DENND1A: variants seen among roughly 807,000 people sequenced by gnomAD.
DENND1A encodes DENN domain-containing protein 1A.
A neutral mutation model predicts 113.7 loss-of-function variants in DENND1A; 51 were observed. That is an observed-to-expected ratio of 0.45 (90% confidence interval 0.36 to 0.57). DENND1A has a LOEUF of 0.57. DENND1A is among the 20% of genes least tolerant of loss of function. The probability of loss-of-function intolerance (pLI) is 0.00; values close to 1 mark genes in which losing one functional copy is unlikely to be tolerated. For synonymous variants in DENND1A, 565 were observed against 570.8 expected, an observed-to-expected ratio of 0.99 and a Z score of 0.14; for missense variants, 1,258 against 1,395.9, an observed-to-expected ratio of 0.90 and a Z score of 1.57.
chr9:123,880,714 G>A (rs986816652), intron 1 of DENND1A, among the ~76,000 whole-genome samples: 1 of 152,124 alleles, frequency 6.6e-6, no homozygotes, highest in Non-Finnish European at 1.5e-5. Flanking sequence ...CTCATGCAAA[G>A]GGATTCTAAA....
intron 8 of DENND1A, among the ~76,000 whole-genome samples, chr9:123,662,701 C>T (rs1472532457): frequency 1.3e-5 from 2 of 152,090 alleles, no homozygotes; most frequent in African/African-American, 2.4e-5. Context: ...ATGTGAAACC[C>T]AAGAATGCTT....
intron 5 of DENND1A, among the ~76,000 whole-genome samples, chr9:123,677,453 A>T (rs887741620): frequency 6.6e-6 from 1 of 151,996 alleles, no homozygotes; most frequent in African/African-American, 2.4e-5. Flanking sequence ...GTTTGTTTTG[A>T]GATGGAGTCT....
intron 13 of DENND1A, among the ~76,000 whole-genome samples, chr9:123,518,470 T>A (rs1309600077): frequency 6.6e-6 from 1 of 152,178 alleles, no homozygotes; most frequent in Non-Finnish European, 1.5e-5. Flanking sequence ...CTAATTGAGT[T>A]GGTCCTGCCC....
chr9:123,530,624 T>A (rs941302738), intron 13 of DENND1A, among the ~76,000 whole-genome samples: 1 of 152,034 alleles, frequency 6.6e-6, no homozygotes, highest in Non-Finnish European at 1.5e-5. Context: ...TTAGTTTTTT[T>A]AAAAGTGAAG....
At chr9:123,611,720 T>C (rs1386995566) in intron 10 of DENND1A, among the ~76,000 whole-genome samples, 2 of 152,196 alleles carry the variant, frequency 1.3e-5, no homozygotes, top group Non-Finnish European at 2.9e-5. Context: ...TGAGTTAATA[T>C]ACAGAAAAAG....
chr9:123,442,498 CAAGA>C (rs763061832), intron 18 of DENND1A, among the ~76,000 whole-genome samples: 2 of 151,874 alleles, frequency 1.3e-5, no homozygotes, highest in Non-Finnish European at 2.9e-5. Context: ...GAAGATCCTA[CAAGA>C]TAGATATGAG....
intron 7 of DENND1A, among the ~76,000 whole-genome samples, chr9:123,669,498 C>G (rs1304886838): frequency 1.3e-5 from 2 of 152,216 alleles, no homozygotes; most frequent in African/African-American, 2.4e-5. Context: ...GCTGCGCCAC[C>G]CCAGCAGTTC....
At chr9:123,802,524 C>G (rs1414288378) in intron 2 of DENND1A, among the ~76,000 whole-genome samples, 2 of 152,302 alleles carry the variant, frequency 1.3e-5, no homozygotes, top group Admixed American at 6.5e-5. Context: ...ACCCTCTACT[C>G]CTACGGTCAC....
In DENND1A at chr9:123,630,485, G is replaced by C. The variant is rs1564847429; in HGVS notation, c.619-9C>G. On this transcript the variant is annotated splice_polypyrimidine_tract_variant and intron_variant, in intron 9 of 23. Transcript: ENST00000394215. ...TGGATGCAGGCAGTCAGCTGGAACA[G>C]AGCAAAGCAGAGATCAATGAACAAA... 1 of 1,547,084 alleles carries C rather than the reference G, an allele frequency of 6.5e-7. No homozygotes were observed. The highest frequency in any genetic ancestry group is 2.0e-5 in the Admixed American group (1 of 49,494).
intron 1 of DENND1A, among the ~76,000 whole-genome samples, chr9:123,923,353 G>T (rs1374509837): frequency 6.6e-6 from 1 of 152,206 alleles, no homozygotes; most frequent in African/African-American, 2.4e-5. Flanking sequence ...GGTCTTCAAA[G>T]AGACTTTTAT....
intron 8 of DENND1A, among the ~76,000 whole-genome samples, chr9:123,653,447 G>A (rs916963173): frequency 2.0e-5 from 3 of 152,182 alleles, no homozygotes; most frequent in African/African-American, 4.8e-5. Context: ...ACGCTTTCCC[G>A]TACACAACAC....
At chr9:123,548,485 A>G (rs1192975941) in intron 13 of DENND1A, among the ~76,000 whole-genome samples, 2 of 152,144 alleles carry the variant, frequency 1.3e-5, no homozygotes, top group African/African-American at 4.8e-5. Flanking sequence ...AAAAGCACGG[A>G]CTCTGTGAAA....
chr9:123,611,987 T>G (rs1054448597), intron 10 of DENND1A, among the ~76,000 whole-genome samples: 10 of 152,254 alleles, frequency 6.6e-5, no homozygotes, highest in Admixed American at 5.2e-4. Flanking sequence ...TTATGGCCTA[T>G]CGCAGAAATG....
In DENND1A at chr9:123,413,388, T is replaced by A. The variant is rs2044467357; in HGVS notation, c.1489-1559A>T. 3 of 982,266 alleles carry A rather than the reference T, an allele frequency of 3.1e-6. No homozygotes were observed. In the South Asian group the frequency reaches 1.4e-4, roughly 46 times the overall value. The allele number at this position is 982,266 out of a possible 1,614,324, so 60.8% of individuals were successfully genotyped here. A position where few individuals can be genotyped will look rare whatever the true frequency, so the allele number is the denominator to read the frequency against. ...CAGAATTCCACATGTGACTCCCGTA[T>A]GAAGCTCCCATTATGTTTTTCTTGG... On this transcript the variant is annotated intron_variant, in intron 19 of 23. Transcript: ENST00000394215.
chr9:123,916,860 C>G (rs1855237577), intron 1 of DENND1A, among the ~76,000 whole-genome samples: 1 of 151,930 alleles, frequency 6.6e-6, no homozygotes, highest in South Asian at 2.1e-4. Context: ...TATTTTTAAA[C>G]AGTAATTCCA....
intron 12 of DENND1A, among the ~76,000 whole-genome samples, chr9:123,558,672 T>G (rs985800637): frequency 6.6e-6 from 1 of 152,114 alleles, no homozygotes; most frequent in Non-Finnish European, 1.5e-5. Flanking sequence ...TAAAAAACAA[T>G]GTAGGAAAGA....
Position 123,382,108 on chromosome 9 carries a change from A to G in DENND1A, c.2537T>C (p.Leu846Pro). 6 of 1,562,858 alleles carry G rather than the reference A, an allele frequency of 3.8e-6. No homozygotes were observed. The highest frequency in any genetic ancestry group is 5.2e-6 in the Non-Finnish European group (6 of 1,155,026). ...AGTSSDALLA[L>P]LDPLSTAWSG... The stretch of plus-strand genomic sequence containing the variant: ...CCAGGCTGTGCTGAGCGGGTCCAGG[A>G]GGGCGAGCAGGGCGTCACTGCTCGT... The change falls in exon 24 of 24, where the codon CTC becomes CCC. Residue 846 changes from leucine (L) to proline (P), a missense_variant. This residue lies in a region of DENND1A where 1,159 missense variants were observed against 1,231.7 expected (regional missense o/e 0.94). Transcript: ENST00000394215.
chr9:123,636,822 G>A (rs1004699182), intron 9 of DENND1A, among the ~76,000 whole-genome samples: 4 of 150,438 alleles, frequency 2.7e-5, no homozygotes, highest in African/African-American at 4.9e-5. Context: ...TCAGCCTCCC[G>A]AGTCGCTGGG....
intron 18 of DENND1A, among the ~76,000 whole-genome samples, chr9:123,450,352 G>A (rs2047629882): frequency 6.6e-6 from 1 of 152,238 alleles, no homozygotes; most frequent in African/African-American, 2.4e-5. Flanking sequence ...GCAGAGGTCA[G>A]CCATAGCGGG....
Sources: gnomAD v4.1 joint callset for allele counts (sites outside exome capture counted in the v4.1 genomes callset) on GRCh38, gnomAD v4.1.1 for gene constraint, gnomAD v4.1.1 regional missense constraint, MANE v1.5 for transcripts, NCBI Gene and HGNC (gene_info 2026-07-23, HGNC 2026-07-21) for gene names.